BCL6B: variants seen among roughly 807,000 people sequenced by gnomAD.
BCL6B encodes B-cell CLL/lymphoma 6 member B protein.
In BCL6B, 28 loss-of-function variants were observed where a neutral mutation model predicts 44.6. That is an observed-to-expected ratio of 0.63 (90% CI 0.47 to 0.86). The LOEUF is 0.86. BCL6B is among the 40% of genes least tolerant of loss of function. The probability of loss-of-function intolerance (pLI) is 0.00; values close to 1 mark genes in which losing one functional copy is unlikely to be tolerated. For synonymous variants in BCL6B, 268 were observed against 263.6 expected (o/e 1.02, Z -0.16); for missense variants, 626 against 652.3 (o/e 0.96, Z 0.44).
In BCL6B at chr17:7,029,280, G is replaced by C; in HGVS notation, c.*1661G>C. 1.0e-6 allele frequency: 1 copy of C among 986,816 alleles called. No individual in the cohort carries two copies. The highest frequency in any genetic ancestry group is 1.2e-6 in the Non-Finnish European group (1 of 830,860). 61.1% of individuals were successfully genotyped at this position (986,816 alleles called of 1,614,324 possible). ...GCTGGGTGGAGTCTCTGAAATGTTA[G>C]AAGAAGCGCTGAAGCCTTGATTGAT... On this transcript the variant is annotated 3_prime_UTR_variant, in exon 9 of 9. Transcript: ENST00000293805.
At chr17:7,023,583 G>T in intron 1 of BCL6B, 77 bp from the exon 2 acceptor site, 1 of 1,410,168 alleles carries the variant, frequency 7.1e-7, no homozygotes, top group South Asian at 1.4e-5. Context: ...GTTGCACCTC[G>T]GAAGGAAAAG....
chr17:7,024,283 G>A lies in BCL6B; in HGVS notation c.380G>A (p.Cys127Tyr). 1.2e-6 allele frequency: 2 copies of A among 1,613,658 alleles called. No homozygotes were observed. Among genetic ancestry groups the A allele is most frequent in the East Asian group, 2.2e-5 (1 of 44,874 alleles). Residue 127 changes from cysteine (C) to tyrosine (Y), a missense_variant, in exon 3 of 9, where the codon TGC (cysteine) becomes TAC (tyrosine). Cys to Tyr is a radical substitution (Grantham distance 194). Coordinates refer to ENST00000293805, the MANE Select transcript of BCL6B (RefSeq NM_181844.4). The surrounding 1 kb of genome is among the most constrained non-coding windows in gnomAD (Gnocchi z 6.6). ...YLQMEHVVQA[C>Y]HRFIQASYEP... ...CAGATGGAGCACGTGGTCCAGGCAT[G>A]CCACCGCTTCATCCAGGCCAGGTGA...
chr17:7,027,358 C>A, intron 8 of BCL6B, 145 bp from the exon 9 acceptor site: 1 of 1,043,624 alleles, frequency 9.6e-7, no homozygotes, highest in East Asian at 2.5e-5. Context: ...CTCAGCCACC[C>A]CTGAGGATTT....
chr17:7,024,698 C>T lies in BCL6B; in HGVS notation c.699C>T (p.Ala233=). 6.4e-6 allele frequency: 10 copies of T among 1,569,824 alleles called. No individual in the cohort carries two copies. The highest frequency in any genetic ancestry group is 8.6e-6 in the Non-Finnish European group (10 of 1,159,460). ...CCAGGCTCCCCAGTGGAGACGAGGC[C>T]TCCAGCAGCAGCAGCAGCAGCAGCA... The part of the protein sequence containing the change: ...PQARLPSGDE[A]SSSSSSSSSS... Residue 233 remains alanine, a synonymous_variant, in exon 4 of 9, where the codon GCC becomes GCT. Transcript: ENST00000293805. This position sits in a 1 kb window ranked among gnomAD's most constrained non-coding sequence, Gnocchi z 6.6.
intron 5 of BCL6B, 22 bp from the exon 6 acceptor site, chr17:7,026,435 C>T (rs1319199960): frequency 1.1e-5 from 17 of 1,612,110 alleles, no homozygotes; most frequent in African/African-American, 5.3e-5. Flanking sequence ...CTATGGTTGC[C>T]GTCACCCATT....
In BCL6B at chr17:7,024,143, G is replaced by A. The variant is rs1910212045; in HGVS notation, c.240G>A (p.Leu80=). The A allele has an allele frequency of 6.2e-7, 1 of 1,613,856 alleles. No homozygotes were observed. The highest frequency in any genetic ancestry group is 8.5e-7 in the Non-Finnish European group (1 of 1,180,018). Residue 80 remains leucine (L), a synonymous_variant, in exon 3 of 9, where the codon CTG becomes CTA. Transcript: ENST00000293805. The surrounding 1 kb of genome is among the most constrained non-coding windows in gnomAD (Gnocchi z 6.6). ...GAGTCGGGGTGGACGTGCTCTCTCT[G>A]CCCGGGGGTCCCGAAGCGAGAGGCT... ...RAGVGVDVLS[L]PGGPEARGFA...
chr17:7,024,699 TCCAGCAGCAGCAGCAGCA>T lies in BCL6B; in HGVS notation c.701_718del (p.Ser234_Ser240delinsCys), dbSNP rs1567728619. On this transcript the variant is annotated inframe_deletion, in exon 4 of 9. Coordinates refer to ENST00000293805, the MANE Select transcript of BCL6B (RefSeq NM_181844.4). This position sits in a 1 kb window ranked among gnomAD's most constrained non-coding sequence, Gnocchi z 6.6. Reference sequence around the variant, plus strand: ...CAGGCTCCCCAGTGGAGACGAGGCCTCCAGCAGCAGCAGCAGCAGCAGCAGCAGCAGTGAAGAAGGACC... The same window carrying T: ...CAGGCTCCCCAGTGGAGACGAGGCCTGCAGCAGCAGCAGTGAAGAAGGACC... 1.8e-6 allele frequency: 2 copies of T among 1,091,602 alleles called. No individual in the cohort carries two copies. Among genetic ancestry groups the T allele is most frequent in the Admixed American group, 3.9e-5 (2 of 50,670 alleles). 67.6% of individuals were successfully genotyped at this position (1,091,602 alleles called of 1,614,324 possible). A position where few individuals can be genotyped will look rare whatever the true frequency, so the allele number is the denominator to read the frequency against.
At position 7,024,564 on chromosome 17, in the gene BCL6B, C is replaced by T. The variant is rs769571112; in HGVS notation, c.565C>T (p.Pro189Ser). 1.1e-5 allele frequency: 17 copies of T among 1,614,076 alleles called. No homozygotes were observed. In the South Asian group the frequency reaches 1.9e-4, roughly 18 times the overall value. ...QGPPSPASPDPKACNWKKYKY... is the reference protein window; with the variant it reads ...QGPPSPASPDSKACNWKKYKY... ...CCCCCCCAGTCCAGCCAGCCCTGACCCCAAGGCCTGCAACTGGAAAAAGTA... is the reference window on the plus strand; with the variant it reads ...CCCCCCCAGTCCAGCCAGCCCTGACTCCAAGGCCTGCAACTGGAAAAAGTA... Residue 189 changes from proline to serine, a missense_variant, in exon 4 of 9, where the codon CCC (proline) becomes TCC (serine). Physicochemically the swap from Pro to Ser is moderately conservative, Grantham distance 74. Transcript: ENST00000293805. The surrounding 1 kb of genome is among the most constrained non-coding windows in gnomAD (Gnocchi z 6.6).
rs551770853 is a variant in BCL6B at position 7,024,029 on chromosome 17, G to A, written c.180-54G>A. Reference sequence around the variant, plus strand: ...AGGGGGCGGGGCTTCCTGAAGCTGCGCATGTCTCCCTTGGTTCCCCAGCCC... The same window carrying A: ...AGGGGGCGGGGCTTCCTGAAGCTGCACATGTCTCCCTTGGTTCCCCAGCCC... On this transcript the variant is annotated intron_variant, in intron 2 of 8. Transcript: ENST00000293805. The surrounding 1 kb of genome is among the most constrained non-coding windows in gnomAD (Gnocchi z 6.6). The A allele has an allele frequency of 5.1e-6, 8 of 1,581,024 alleles. No homozygotes were observed. The African/African-American group carries it at 6.8e-5, about 13-fold the overall frequency.
intron 1 of BCL6B, chr17:7,023,382 C>A: frequency 4.5e-6 from 2 of 443,540 alleles, no homozygotes; most frequent in Non-Finnish European, 4.0e-6. Context: ...GGGGGTCGAA[C>A]CCAGGGCGAT....
At chr17:7,027,174 T>A in intron 8 of BCL6B, 87 bp downstream of exon 8, 3 of 1,521,864 alleles carry the variant, frequency 2.0e-6, no homozygotes, top group South Asian at 2.4e-5. Context: ...GGCCTGGCTG[T>A]CCCTAGATCT....
At position 7,024,311 on chromosome 17, in the gene BCL6B, G is replaced by A; in HGVS notation, c.401+7G>A. 6.2e-7 allele frequency: 1 copy of A among 1,613,744 alleles called. No homozygotes were observed. The highest frequency in any genetic ancestry group is 8.5e-7 in the Non-Finnish European group (1 of 1,180,000). ...ACCGCTTCATCCAGGCCAGGTGAGGGACCCTGGCTCGGCGTTCTCTGTGGG... is the reference window on the plus strand; with the variant it reads ...ACCGCTTCATCCAGGCCAGGTGAGGAACCCTGGCTCGGCGTTCTCTGTGGG... On this transcript the variant is annotated splice_region_variant and intron_variant, in intron 3 of 8. Coordinates refer to ENST00000293805, the MANE Select transcript of BCL6B (RefSeq NM_181844.4). This position sits in a 1 kb window ranked among gnomAD's most constrained non-coding sequence, Gnocchi z 6.6.
chr17:7,025,363 G>T (rs1489462910), intron 5 of BCL6B, among the ~76,000 whole-genome samples, 163 bp downstream of exon 5: 1 of 152,216 alleles, frequency 6.6e-6, no homozygotes, highest in Non-Finnish European at 1.5e-5. Flanking sequence ...ACACTCCATA[G>T]ATTAAAATAT....
Position 7,023,073 on chromosome 17 carries a change from A to C in BCL6B, c.-39A>C. 6.6e-6 allele frequency: 1 copy of C among 152,234 alleles called. No individual in the cohort carries two copies. The highest frequency in any genetic ancestry group is 1.9e-4 in the East Asian group (1 of 5,190). The allele number at this position is 152,234 out of a possible 1,614,324, so 9.4% of individuals were successfully genotyped here. A position where few individuals can be genotyped will look rare whatever the true frequency, so the allele number is the denominator to read the frequency against. ...GAGAGACCCCGCCCCCCTTAAGAAG[A>C]GAAGCCGCGGCCCCTGCAGGACGGG... On this transcript the variant is annotated 5_prime_UTR_variant, in exon 1 of 9. Coordinates refer to ENST00000293805, the MANE Select transcript of BCL6B (RefSeq NM_181844.4).
At position 7,024,015 on chromosome 17, in the gene BCL6B, C is replaced by A; in HGVS notation, c.180-68C>A. On this transcript the variant is annotated intron_variant, in intron 2 of 8. Transcript: ENST00000293805. This position sits in a 1 kb window ranked among gnomAD's most constrained non-coding sequence, Gnocchi z 6.6. ...GGCGGGACTTTTTCAGGGGGCGGGG[C>A]TTCCTGAAGCTGCGCATGTCTCCCT... 1 of 1,561,570 alleles carries A rather than the reference C, an allele frequency of 6.4e-7. No homozygotes were observed.
rs1910396878 is a variant in BCL6B, at chr17:7,029,501, G to A, written c.*1882G>A. 9.5e-7 allele frequency: 1 copy of A among 1,055,268 alleles called. No individual in the cohort carries two copies. The highest frequency in any genetic ancestry group is 5.0e-5 in the Admixed American group (1 of 19,988). The allele number at this position is 1,055,268 out of a possible 1,614,324, so 65.4% of individuals were successfully genotyped here. A position where few individuals can be genotyped will look rare whatever the true frequency, so the allele number is the denominator to read the frequency against. On this transcript the variant is annotated 3_prime_UTR_variant, in exon 9 of 9. Coordinates refer to ENST00000293805, the MANE Select transcript of BCL6B (RefSeq NM_181844.4). Reference sequence around the variant, plus strand: ...TGGCCCCACTGCAGAATTAAAGAAGGAAGAAGGGAAGGCGGAGGAGTCTAT... The same window carrying A: ...TGGCCCCACTGCAGAATTAAAGAAGAAAGAAGGGAAGGCGGAGGAGTCTAT...
rs1910339983 is a variant in BCL6B, at chr17:7,027,755, C to G, written c.*136C>G. 1.4e-6 allele frequency: 2 copies of G among 1,478,608 alleles called. No homozygotes were observed. Among genetic ancestry groups the G allele is most frequent in the African/African-American group, 2.8e-5 (2 of 71,040 alleles). The allele number at this position is 1,478,608 out of a possible 1,614,324, so 91.6% of individuals were successfully genotyped here. On this transcript the variant is annotated 3_prime_UTR_variant, in exon 9 of 9. Transcript: ENST00000293805. ...TCAGAAATTGCCACCCTCTTAATTT[C>G]TCACTGGGGAGAGCAGGGGTGGCAG...
chr17:7,024,180 T>C lies in BCL6B; in HGVS notation c.277T>C (p.Leu93=), dbSNP rs1481050788. Residue 93 remains leucine (L), a synonymous_variant, in exon 3 of 9, where the codon TTG becomes CTG. Transcript: ENST00000293805. The surrounding 1 kb of genome is among the most constrained non-coding windows in gnomAD (Gnocchi z 6.6). ...CGAAGCGAGAGGCTTCGCCCCTCTATTGGACTTCATGTACACTTCGCGCCT... is the reference window on the plus strand; with the variant it reads ...CGAAGCGAGAGGCTTCGCCCCTCTACTGGACTTCATGTACACTTCGCGCCT... The part of the protein sequence containing the change: ...GPEARGFAPL[L]DFMYTSRLRL... The C allele has an allele frequency of 6.2e-7, 1 of 1,613,826 alleles. No individual in the cohort carries two copies. The highest frequency in any genetic ancestry group is 8.5e-7 in the Non-Finnish European group (1 of 1,179,958).
At position 7,024,959 on chromosome 17, in the gene BCL6B, G is replaced by C. The variant is rs370593403; in HGVS notation, c.765-117G>C. ...GCAGTACAATGGATGTGGCTCATTGGTCAACAATATTGGCTCACCCTGAGA... is the reference window on the plus strand; with the variant it reads ...GCAGTACAATGGATGTGGCTCATTGCTCAACAATATTGGCTCACCCTGAGA... On this transcript the variant is annotated intron_variant, in intron 4 of 8. Transcript: ENST00000293805. The surrounding 1 kb of genome is among the most constrained non-coding windows in gnomAD (Gnocchi z 6.6). The C allele has an allele frequency of 2.3e-5, 35 of 1,509,622 alleles. No homozygotes were observed. In the African/African-American group the frequency reaches 4.5e-4, roughly 19 times the overall value. 93.5% of individuals were successfully genotyped at this position (1,509,622 alleles called of 1,614,324 possible). A position where few individuals can be genotyped will look rare whatever the true frequency, so the allele number is the denominator to read the frequency against.
Sources: gnomAD v4.1 joint callset for allele counts (sites outside exome capture counted in the v4.1 genomes callset) on GRCh38, gnomAD v4.1.1 for gene constraint, Gnocchi (gnomAD v3.1) non-coding constraint, MANE v1.5 for transcripts, NCBI Gene and HGNC (gene_info 2026-07-23, HGNC 2026-07-21) for gene names.